Variants in ATP9B observed in about 807,000 individuals in gnomAD.
ATP9B encodes ATPase phospholipid transporting 9B, also known as probable phospholipid-transporting ATPase IIB.
A neutral mutation model predicts 146.1 loss-of-function variants in ATP9B; 110 were observed. The ratio of observed to expected loss-of-function variants is 0.75; its 90% CI spans 0.65 to 0.88. The LOEUF is 0.88. Among genes scored for constraint, ATP9B ranks in the 40% least tolerant of loss-of-function variants. The probability of loss-of-function intolerance (pLI) is 0.00; values close to 1 mark genes in which losing one functional copy is unlikely to be tolerated. For missense variants in ATP9B, 1,499 were observed against 1,496.4 expected, an observed-to-expected ratio of 1.00 and a Z score of -0.03; for synonymous variants, 604 against 569.7, an observed-to-expected ratio of 1.06 and a Z score of -0.86.
intron 19 of ATP9B, 116 bp downstream of exon 19, chr18:79,337,565 G>A (rs1486147819): frequency 7.2e-7 from 1 of 1,397,182 alleles, no homozygotes; most frequent in Non-Finnish European, 9.5e-7. Context: ...AGAGAGCTCT[G>A]TAAGCAGAGC....
At chr18:79,257,857 G>T (rs115980402) in intron 12 of ATP9B, among the ~76,000 whole-genome samples, 2,351 of 152,266 alleles carry the variant, frequency 0.015, 66 homozygotes, top group African/African-American at 0.054. Context: ...TTCCTTTCAA[G>T]ACTGCTTCTC....
At chr18:79,115,553 GT>G (rs1228316902) in intron 4 of ATP9B, 2 of 129,154 alleles carry the variant, frequency 1.5e-5, no homozygotes, top group African/African-American at 3.4e-5. Flanking sequence ...AAACAGCATG[GT>G]ACTGGTACCA....
intron 11 of ATP9B, among the ~76,000 whole-genome samples, chr18:79,227,027 T>G (rs1400606610): frequency 6.6e-6 from 1 of 152,202 alleles, no homozygotes; most frequent in Non-Finnish European, 1.5e-5. Context: ...TAGGCACTTC[T>G]TGCATTGTCG....
chr18:79,354,270 T>A (rs541595935), intron 25 of ATP9B: 1 of 152,186 alleles, frequency 6.6e-6, no homozygotes, highest in South Asian at 2.1e-4. Context: ...CAATGTCATT[T>A]AACAACAACA....
chr18:79,201,309 A>G (rs2095485474), intron 9 of ATP9B, among the ~76,000 whole-genome samples: 1 of 152,254 alleles, frequency 6.6e-6, no homozygotes. Context: ...TAACTTGTTT[A>G]TAATGAGAAA....
intron 7 of ATP9B, among the ~76,000 whole-genome samples, chr18:79,176,005 T>A (rs1404570512): frequency 6.6e-6 from 1 of 152,224 alleles, no homozygotes; most frequent in Non-Finnish European, 1.5e-5. Context: ...GTCCTGCACC[T>A]TACTTTCTTT....
chr18:79,372,767 G>T, intron 26 of ATP9B, 58 bp from the exon 27 acceptor site: 1 of 1,147,220 alleles, frequency 8.7e-7, no homozygotes, highest in Non-Finnish European at 1.3e-6. Context: ...ACTCCTGGAA[G>T]GCGTGAGTCA....
At chr18:79,246,739 G>T (rs1599252679) in intron 11 of ATP9B, among the ~76,000 whole-genome samples, 1 of 152,160 alleles carries the variant, frequency 6.6e-6, no homozygotes, top group African/African-American at 2.4e-5. Flanking sequence ...GCGCTCCCTG[G>T]CTTCCCCTCC....
intron 11 of ATP9B, among the ~76,000 whole-genome samples, chr18:79,220,230 GGAGGCTGTTACA>G (rs139982387): frequency 0.013 from 1,974 of 152,236 alleles, 15 homozygotes; most frequent in Non-Finnish European, 0.02. Context: ...GTTGAAGTTT[GGAGGCTGTTACA>G]GACACTGGAT....
intron 8 of ATP9B, among the ~76,000 whole-genome samples, chr18:79,181,658 A>G (rs1258170375): frequency 6.6e-6 from 1 of 151,934 alleles, no homozygotes; most frequent in Non-Finnish European, 1.5e-5. Flanking sequence ...CATTAAATTC[A>G]CTAACATTTA....
At chr18:79,139,285 A>G (rs2147355188) in intron 5 of ATP9B, among the ~76,000 whole-genome samples, 1 of 152,262 alleles carries the variant, frequency 6.6e-6, no homozygotes, top group East Asian at 1.9e-4. Flanking sequence ...AAATCCACAA[A>G]CCAGTAATGT....
intron 28 of ATP9B, among the ~76,000 whole-genome samples, chr18:79,374,943 G>A (rs569381936): frequency 1.3e-5 from 2 of 152,348 alleles, no homozygotes; most frequent in East Asian, 1.9e-4. Flanking sequence ...GACTCACCAC[G>A]ACTTTGAGCC....
At chr18:79,322,458 G>GCACGGTCAGAAC (rs2096721514) in intron 15 of ATP9B, among the ~76,000 whole-genome samples, 1 of 152,218 alleles carries the variant, frequency 6.6e-6, no homozygotes, top group African/African-American at 2.4e-5. Context: ...CGGTCAGGCA[G>GCACGGTCAGAAC]CTTCCATCAG....
intron 26 of ATP9B, 130 bp downstream of exon 26, chr18:79,359,592 A>G: frequency 1.4e-6 from 1 of 698,408 alleles, no homozygotes; most frequent in Non-Finnish European, 2.6e-6. Context: ...GTCCTTGAAG[A>G]TGTTTTTTAT....
intron 4 of ATP9B, chr18:79,114,983 CCT>C (rs1238066038): frequency 1.6e-5 from 3 of 184,542 alleles, no homozygotes; most frequent in Non-Finnish European, 3.6e-5. Context: ...GCAAATTGTC[CCT>C]GTTTGCAGAT....
chr18:79,222,351 T>A lies in ATP9B; in HGVS notation c.1107+8313T>A, dbSNP rs2095688128. On this transcript the variant is annotated intron_variant, in intron 11 of 29. Coordinates refer to ENST00000426216, the MANE Select transcript of ATP9B (RefSeq NM_198531.5). ...TCCAGCCTGGGCAACAGAGTGAGAC[T>A]CCATCTCAAAAAAAAAAAAGACACT... Among the ~76,000 whole-genome samples, 6 of 151,448 alleles carry A rather than the reference T, an allele frequency of 4.0e-5. No individual in the cohort carries two copies. In the South Asian group the frequency reaches 8.4e-4, roughly 21 times the overall value.
chr18:79,210,088 A>G (rs2095570254), intron 10 of ATP9B, among the ~76,000 whole-genome samples: 1 of 152,210 alleles, frequency 6.6e-6, no homozygotes, highest in South Asian at 2.1e-4. Context: ...AGACAGGCAG[A>G]TGCAGCAGAC....
In ATP9B at chr18:79,178,385, G is replaced by A. The variant is rs533751831; in HGVS notation, c.873+1478G>A. On this transcript the variant is annotated intron_variant, in intron 8 of 29. Transcript: ENST00000426216. The stretch of plus-strand genomic sequence containing the variant: ...TTCAGTTTGCGTTTCTGTGATGGCC[G>A]GTTGTGTTGAACGTTGTTTTGTGTG... Among the ~76,000 whole-genome samples the A allele has an allele frequency of 5.8e-4, 89 of 152,204 alleles. 2 individuals carry two copies. Among genetic ancestry groups the A allele is most frequent in the South Asian group, 3.5e-3 (17 of 4,818 alleles).
At chr18:79,230,054 G>A (rs1429121787) in intron 11 of ATP9B, among the ~76,000 whole-genome samples, 1 of 151,878 alleles carries the variant, frequency 6.6e-6, no homozygotes, top group Non-Finnish European at 1.5e-5. Context: ...GAAGATCTTT[G>A]TGTAAGTGCT....
Sources: allele counts gnomAD v4.1 joint callset (sites outside exome capture counted in the v4.1 genomes callset), GRCh38; gene constraint gnomAD v4.1.1; transcripts MANE v1.5; gene names NCBI Gene and HGNC (gene_info 2026-07-23, HGNC 2026-07-21).